The following NELL1 variants were observed in gnomAD, a reference collection of about 807,000 sequenced individuals.
The protein encoded by NELL1 is protein kinase C-binding protein NELL1.
A neutral mutation model predicts 107.4 loss-of-function variants in NELL1; 76 were observed. The observed-to-expected ratio is 0.71, with a 90% CI of 0.59 to 0.86. NELL1 has a LOEUF of 0.86. Ranked by LOEUF, NELL1 falls within the 40% of genes least tolerant of loss-of-function variation. The probability of loss-of-function intolerance (pLI) is 0.00; values close to 1 mark genes in which losing one functional copy is unlikely to be tolerated. For missense variants in NELL1, 1,024 were observed against 1,005.5 expected (o/e 1.02, Z -0.25); for synonymous variants, 353 against 341.2 (o/e 1.03, Z -0.38).
chr11:21,414,612 GT>G (rs71034520), intron 15 of NELL1, among the ~76,000 whole-genome samples: 61,552 of 151,602 alleles, frequency 0.41, 13,235 homozygotes, highest in Non-Finnish European at 0.48. Flanking sequence ...AGTTCTTCTT[GT>G]TTTAATAAAA....
intron 13 of NELL1, among the ~76,000 whole-genome samples, chr11:21,137,249 C>A (rs921743526): frequency 6.6e-6 from 1 of 152,178 alleles, no homozygotes; most frequent in South Asian, 2.1e-4. Flanking sequence ...AAAGGGTATA[C>A]GACCAGTGTC....
At chr11:20,846,038 G>A (rs539966109) in intron 3 of NELL1, among the ~76,000 whole-genome samples, 1 of 152,232 alleles carries the variant, frequency 6.6e-6, no homozygotes, top group East Asian at 1.9e-4. Context: ...TAAAATAAAT[G>A]TCTTCTTTGT....
intron 13 of NELL1, among the ~76,000 whole-genome samples, chr11:21,174,555 G>A (rs1286932873): frequency 6.6e-6 from 1 of 151,802 alleles, no homozygotes; most frequent in Non-Finnish European, 1.5e-5. Context: ...AGAAGTGAGG[G>A]ACAGACAATG....
intron 14 of NELL1, among the ~76,000 whole-genome samples, chr11:21,351,144 C>G (rs1048496992): frequency 5.3e-5 from 8 of 151,922 alleles, no homozygotes; most frequent in African/African-American, 1.9e-4. Context: ...TGCTACAAGC[C>G]AAGGAATATC....
chr11:20,794,619 A>T (rs1292929122), intron 3 of NELL1, among the ~76,000 whole-genome samples: 1 of 152,154 alleles, frequency 6.6e-6, no homozygotes, highest in Admixed American at 6.5e-5. Flanking sequence ...TATTTGTAAA[A>T]TACCTAGCAT....
At chr11:20,922,423 G>T (rs3781749) in intron 7 of NELL1, among the ~76,000 whole-genome samples, 105,013 of 151,862 alleles carry the variant, frequency 0.69, 39,866 homozygotes, top group South Asian at 0.85. Context: ...GTCCTTCAGG[G>T]TATGTAGTCT....
intron 12 of NELL1, among the ~76,000 whole-genome samples, chr11:20,974,791 A>G (rs906934806): frequency 6.6e-6 from 1 of 152,194 alleles, no homozygotes; most frequent in African/African-American, 2.4e-5. Context: ...GGTCTGGGGT[A>G]TAGACAGTCA....
At chr11:21,149,309 C>T (rs1427910951) in intron 13 of NELL1, among the ~76,000 whole-genome samples, 1 of 152,124 alleles carries the variant, frequency 6.6e-6, no homozygotes, top group African/African-American at 2.4e-5. Flanking sequence ...GCTCATGCTG[C>T]TAATAAAGAC....
At chr11:20,877,094 C>A (rs1323578128) in intron 4 of NELL1, among the ~76,000 whole-genome samples, 1 of 152,084 alleles carries the variant, frequency 6.6e-6, no homozygotes, top group Non-Finnish European at 1.5e-5. Context: ...CCATATTGGG[C>A]AGGGAAAAAT....
intron 12 of NELL1, among the ~76,000 whole-genome samples, chr11:20,983,371 C>G (rs1041723281): frequency 6.6e-6 from 1 of 151,934 alleles, no homozygotes; most frequent in Non-Finnish European, 1.5e-5. Flanking sequence ...ATACCAGTGC[C>G]ATAACTCTGA....
At chr11:21,158,240 T>C (rs1856287522) in intron 13 of NELL1, among the ~76,000 whole-genome samples, 1 of 152,198 alleles carries the variant, frequency 6.6e-6, no homozygotes, top group Non-Finnish European at 1.5e-5. Flanking sequence ...TTCACTTCCC[T>C]ACTTTTGAGA....
intron 14 of NELL1, among the ~76,000 whole-genome samples, chr11:21,287,901 G>A (rs551702799): frequency 6.6e-6 from 1 of 152,042 alleles, no homozygotes; most frequent in East Asian, 1.9e-4. Flanking sequence ...TTGGCAATAG[G>A]AGTGAAGTCA....
At chr11:21,400,282 G>T (rs11026067) in intron 15 of NELL1, among the ~76,000 whole-genome samples, 44,378 of 151,574 alleles carry the variant, frequency 0.29, 7,046 homozygotes, top group Non-Finnish European at 0.36. Context: ...GTTGTTGTTT[G>T]CATTCTATGA....
intron 7 of NELL1, among the ~76,000 whole-genome samples, chr11:20,923,093 T>C (rs918156786): frequency 6.6e-6 from 1 of 152,248 alleles, no homozygotes; most frequent in South Asian, 2.1e-4. Context: ...GACCCTAGTC[T>C]AGGAGTCCTG....
At chr11:20,741,246 C>G (rs1370553197) in intron 2 of NELL1, among the ~76,000 whole-genome samples, 1 of 152,086 alleles carries the variant, frequency 6.6e-6, no homozygotes, top group Non-Finnish European at 1.5e-5. Flanking sequence ...GTGTTTTTCC[C>G]TCTGCCTTGA....
chr11:20,963,238 G>A (rs1314253135), intron 12 of NELL1, among the ~76,000 whole-genome samples: 3 of 152,034 alleles, frequency 2.0e-5, no homozygotes, highest in Non-Finnish European at 4.4e-5. Flanking sequence ...AAAGTCCTTC[G>A]TAGAAAGTCA....
intron 17 of NELL1, among the ~76,000 whole-genome samples, chr11:21,561,665 GA>G (rs1365782351): frequency 6.6e-6 from 1 of 151,994 alleles, no homozygotes; most frequent in African/African-American, 2.4e-5. Context: ...ACTCTACGAT[GA>G]TATTTATTGG....
At chr11:21,008,524 A>AG (rs1257695161) in intron 12 of NELL1, among the ~76,000 whole-genome samples, 2 of 152,284 alleles carry the variant, frequency 1.3e-5, no homozygotes, top group East Asian at 3.9e-4. Flanking sequence ...TTAGAATCAT[A>AG]GTAGGTGCTG....
intron 14 of NELL1, among the ~76,000 whole-genome samples, chr11:21,232,181 T>TATATATATATATA (rs1375976378): frequency 7.6e-5 from 10 of 131,998 alleles, no homozygotes; most frequent in African/African-American, 1.1e-4. Context: ...TATATATAAA[T>TATATATATATATA]TAGCTGGGCG....
Sources: gnomAD v4.1 joint callset for allele counts (sites outside exome capture counted in the v4.1 genomes callset) on GRCh38, gnomAD v4.1.1 for gene constraint, MANE v1.5 for transcripts, NCBI Gene and HGNC (gene_info 2026-07-23, HGNC 2026-07-21) for gene names.